TAF5L: variants seen among roughly 807,000 people sequenced by gnomAD.
TAF5L encodes the protein TATA-box binding protein associated factor 5 like, also known as TAF5-like RNA polymerase II p300/CBP-associated factor-associated factor 65 kDa subunit 5L.
In TAF5L, 7 loss-of-function variants were observed where a neutral mutation model predicts 51.3. The observed-to-expected ratio is 0.14, with a 90% CI of 0.08 to 0.26. TAF5L has a LOEUF of 0.26. TAF5L is among the 10% of genes least tolerant of loss of function. TAF5L has a pLI of 1.00. For synonymous variants in TAF5L, 291 were observed against 308.1 expected, an observed-to-expected ratio of 0.94 and a Z score of 0.58; for missense variants, 575 against 758.9, an observed-to-expected ratio of 0.76 and a Z score of 2.85.
chr1:229,613,953 G>A (rs545790031), intron 2 of TAF5L, among the ~76,000 whole-genome samples: 23 of 152,334 alleles, frequency 1.5e-4, no homozygotes, highest in South Asian at 8.3e-4. Flanking sequence ...CTACATGTGA[G>A]GCTCCATGCT....
chr1:229,623,090 A>AACATGGTG (rs1665275805), intron 1 of TAF5L, among the ~76,000 whole-genome samples: 1 of 152,204 alleles, frequency 6.6e-6, no homozygotes, highest in South Asian at 2.1e-4. Context: ...CAGCCTGGTC[A>AACATGGTG]ACATGGTGAA....
rs959777604 is a variant in TAF5L, at chr1:229,607,302, T to C, written c.247+2804A>G. On this transcript the variant is annotated intron_variant, in intron 3 of 4. Coordinates refer to ENST00000258281, the Ensembl canonical transcript of TAF5L. ...AAATTCTGGTCCTTTCTCACCTCAT[T>C]TCTCAAGATTGCCAAGCACTTTAAT... 4 of 985,278 alleles carry C rather than the reference T, an allele frequency of 4.1e-6. No homozygotes were observed. The African/African-American group carries it at 7.0e-5, about 17-fold the overall frequency. 61.0% of individuals were successfully genotyped at this position (985,278 alleles called of 1,614,324 possible). A position where few individuals can be genotyped will look rare whatever the true frequency, so the allele number is the denominator to read the frequency against.
In TAF5L at chr1:229,602,164, G is replaced by C. The variant is rs755126182; in HGVS notation, c.972+31C>G. 7.5e-6 allele frequency: 12 copies of C among 1,592,786 alleles called. No individual in the cohort carries two copies. The Admixed American group carries it at 2.1e-4, about 28-fold the overall frequency. On this transcript the variant is annotated intron_variant, in intron 4 of 4. Transcript: ENST00000258281. This position sits in a 1 kb window ranked among gnomAD's most constrained non-coding sequence, Gnocchi z 4.6. Reference sequence around the variant, plus strand: ...ACATTCTAAGGAAATTAGGAAGGCGGGTGCAGGGAAGAAAAAAATGGTATT... The same window carrying C: ...ACATTCTAAGGAAATTAGGAAGGCGCGTGCAGGGAAGAAAAAAATGGTATT...
intron 4 of TAF5L, chr1:229,600,986 C>CA (rs1664352033): frequency 1.0e-6 from 1 of 984,852 alleles, no homozygotes; most frequent in Non-Finnish European, 1.2e-6. Context: ...GAAGAACTCC[C>CA]AAAAAGGGAA....
At chr1:229,603,650 T>A (rs1664473836) in intron 3 of TAF5L, among the ~76,000 whole-genome samples, 1 of 152,240 alleles carries the variant, frequency 6.6e-6, no homozygotes, top group South Asian at 2.1e-4. Flanking sequence ...AATTTACAAA[T>A]AAGACCATTT....
chr1:229,623,297 A>G (rs1046794090), intron 1 of TAF5L, among the ~76,000 whole-genome samples: 1 of 152,252 alleles, frequency 6.6e-6, no homozygotes, highest in African/African-American at 2.4e-5. Flanking sequence ...AAAACAAAAC[A>G]AAATACTTTC....
chr1:229,607,449 A>G, intron 3 of TAF5L: 1 of 985,450 alleles, frequency 1.0e-6, no homozygotes, highest in Non-Finnish European at 1.2e-6. Flanking sequence ...GTTCCTGTAC[A>G]GTCGTCAAGC....
exon 2 of TAF5L, chr1:229,614,427 C>T (rs1298516307): frequency 1.5e-5 from 24 of 1,614,184 alleles, no homozygotes; most frequent in Middle Eastern, 1.6e-4. Context: ...GTACTGCCGG[C>T]GTTTGAGGTA....
At chr1:229,601,442 G>C (rs1415071830) in intron 4 of TAF5L, 6 of 985,322 alleles carry the variant, frequency 6.1e-6, no homozygotes, top group Non-Finnish European at 7.2e-6. Context: ...ATGCTGTGAA[G>C]TTTAATTTCT....
rs1664033869 is a variant in TAF5L at position 229,594,332 on chromosome 1, C to T, written c.1735G>A (p.Val579Met). The change falls in exon 5 of 5, where the codon GTG becomes ATG. Residue 579 changes from valine (V) to methionine (M), a missense_variant. Val to Met is a conservative substitution (Grantham distance 21, BLOSUM62 1). Coordinates refer to ENST00000258281, the Ensembl canonical transcript of TAF5L. This position sits in a 1 kb window ranked among gnomAD's most constrained non-coding sequence, Gnocchi z 7.9. ...TGATTTTCTTGTGTAATTCCAGTCACCAGAAGAAGGTTACAGGCCATGAAC... is the reference window on the plus strand; with the variant it reads ...TGATTTTCTTGTGTAATTCCAGTCATCAGAAGAAGGTTACAGGCCATGAAC... 1.2e-6 allele frequency: 2 copies of T among 1,610,504 alleles called. No homozygotes were observed. Among genetic ancestry groups the T allele is most frequent in the Non-Finnish European group, 8.5e-7 (1 of 1,177,328 alleles).
intron 2 of TAF5L, among the ~76,000 whole-genome samples, chr1:229,611,202 A>G (rs1664772990): frequency 6.6e-6 from 1 of 152,138 alleles, no homozygotes; most frequent in Non-Finnish European, 1.5e-5. Flanking sequence ...GAATTGGTGC[A>G]GGGGAAACAA....
Position 229,594,486 on chromosome 1 carries a change from A to T in TAF5L, c.1581T>A (p.Ser527=), listed in dbSNP as rs1173905382. 6.2e-7 allele frequency: 1 copy of T among 1,614,168 alleles called. No individual in the cohort carries two copies. The highest frequency in any genetic ancestry group is 1.1e-5 in the South Asian group (1 of 91,082). The change falls in exon 5 of 5, where the codon TCT becomes TCA. Residue 527 remains serine (S), a synonymous_variant. Transcript: ENST00000258281. The surrounding 1 kb of genome is among the most constrained non-coding windows in gnomAD (Gnocchi z 7.9). Reference sequence around the variant, plus strand: ...CGCGCACCGAGTTGTCCATGGAGGCAGAGGCAATCAAGCCGCTGTCTGGAC... The same window carrying T: ...CGCGCACCGAGTTGTCCATGGAGGCTGAGGCAATCAAGCCGCTGTCTGGAC...
chr1:229,609,012 A>C (rs1013756963), intron 3 of TAF5L, among the ~76,000 whole-genome samples: 1 of 152,054 alleles, frequency 6.6e-6, no homozygotes, highest in Admixed American at 6.5e-5. Context: ...AAAAAAAAGA[A>C]AAAGAAGCAA....
intron 4 of TAF5L, chr1:229,601,775 T>A: frequency 9.9e-7 from 1 of 1,014,158 alleles, no homozygotes; most frequent in Non-Finnish European, 1.2e-6. Flanking sequence ...CAACCTTCTG[T>A]GGGGAAAATA....
At chr1:229,615,061 G>C (rs1033617395) in intron 1 of TAF5L, among the ~76,000 whole-genome samples, 4 of 152,146 alleles carry the variant, frequency 2.6e-5, no homozygotes, top group South Asian at 4.1e-4. Context: ...TTTGCAAAAT[G>C]TGTTTTCATT....
rs1166006211 is a variant in TAF5L at position 229,624,348 on chromosome 1, CT to C, written c.-4+1536del. On this transcript the variant is annotated intron_variant, in intron 1 of 4. Transcript: ENST00000258281. ...CACCTTTTAATTTTCTAGCTTAGCG[CT>C]GATTTTTAAGGCAGGAAGAATTTAC... is the stretch of plus-strand genomic sequence containing the variant. 1.1e-4 allele frequency among the ~76,000 whole-genome samples: 17 copies of C among 152,242 alleles called. No individual in the cohort carries two copies. In the East Asian group the frequency reaches 3.3e-3, roughly 29 times the overall value.
At chr1:229,613,726 A>T (rs1178874553) in intron 2 of TAF5L, among the ~76,000 whole-genome samples, 1 of 152,218 alleles carries the variant, frequency 6.6e-6, no homozygotes, top group African/African-American at 2.4e-5. Flanking sequence ...TTTGGTATTC[A>T]TGGAGGGGTC....
chr1:229,603,810 A>G (rs534878536), intron 3 of TAF5L, among the ~76,000 whole-genome samples: 1 of 152,364 alleles, frequency 6.6e-6, no homozygotes, highest in Middle Eastern at 3.4e-3. Flanking sequence ...ATAAGTGCTT[A>G]AGGCATGCTG....
intron 1 of TAF5L, among the ~76,000 whole-genome samples, chr1:229,615,468 C>T (rs2102761720): frequency 6.6e-6 from 1 of 152,214 alleles, no homozygotes; most frequent in East Asian, 1.9e-4. Flanking sequence ...CAGCACAACA[C>T]TAAGAGGGTA....
Sources: allele counts gnomAD v4.1 joint callset (sites outside exome capture counted in the v4.1 genomes callset), GRCh38; gene constraint gnomAD v4.1.1; non-coding constraint Gnocchi (gnomAD v3.1); transcripts MANE v1.5; gene names NCBI Gene and HGNC (gene_info 2026-07-23, HGNC 2026-07-21).